USP34: variants seen among roughly 807,000 people sequenced by gnomAD.
USP34 encodes the protein ubiquitin specific peptidase 34, also known as ubiquitin carboxyl-terminal hydrolase 34.
A neutral mutation model predicts 460.3 loss-of-function variants in USP34; 70 were observed. The ratio of observed to expected loss-of-function variants is 0.15; its 90% CI spans 0.13 to 0.19. The LOEUF (loss-of-function observed/expected upper bound fraction) is 0.19. USP34 is among the 10% of genes least tolerant of loss of function. The probability of loss-of-function intolerance (pLI) is 1.00; values close to 1 mark genes in which losing one functional copy is unlikely to be tolerated. For missense variants in USP34, 3,985 were observed against 4,236.2 expected (o/e 0.94, Z 1.65); for synonymous variants, 1,647 against 1,405.3 (o/e 1.17, Z -3.85).
chr2:61,383,177 A>G (rs914737565), intron 6 of USP34, 92 bp downstream of exon 6: 9 of 865,000 alleles, frequency 1.0e-5, no homozygotes, highest in East Asian at 2.9e-5. Context: ...GGATATGACT[A>G]TAGGGGACTT....
intron 15 of USP34, among the ~76,000 whole-genome samples, chr2:61,345,523 C>T (rs538145205): frequency 3.3e-5 from 5 of 152,312 alleles, no homozygotes; most frequent in East Asian, 1.9e-4. Flanking sequence ...TAGTATCACT[C>T]GTAACGACAA....
At chr2:61,433,386 C>A (rs1203455600) in intron 1 of USP34, among the ~76,000 whole-genome samples, 3 of 152,202 alleles carry the variant, frequency 2.0e-5, no homozygotes, top group Non-Finnish European at 4.4e-5. Flanking sequence ...GTAATCCCAG[C>A]ACTTTGAGGA....
chr2:61,267,443 ATTT>A (rs1247110202), intron 41 of USP34, among the ~76,000 whole-genome samples: 2 of 142,738 alleles, frequency 1.4e-5, no homozygotes, highest in African/African-American at 5.1e-5. Context: ...TGGTTAGGAG[ATTT>A]TTTTTTTTTT....
At chr2:61,373,918 G>A (rs1330048176) in intron 8 of USP34, among the ~76,000 whole-genome samples, 1 of 152,158 alleles carries the variant, frequency 6.6e-6, no homozygotes, top group Non-Finnish European at 1.5e-5. Flanking sequence ...ACTTTGGGAG[G>A]CCAAGACGGG....
At chr2:61,242,853 T>C (rs1169027694) in intron 51 of USP34, among the ~76,000 whole-genome samples, 3 of 151,566 alleles carry the variant, frequency 2.0e-5, no homozygotes, top group Middle Eastern at 3.2e-3. Flanking sequence ...ATTCAAAACA[T>C]TTTTTTTTCT....
At chr2:61,266,363 T>C (rs1689046110) in intron 41 of USP34, among the ~76,000 whole-genome samples, 196 bp from the exon 42 acceptor site, 1 of 152,174 alleles carries the variant, frequency 6.6e-6, no homozygotes, top group Non-Finnish European at 1.5e-5. Flanking sequence ...CTTTTACTCT[T>C]CTCTCCTTTT....
At chr2:61,307,497 G>A (rs1245321984) in intron 27 of USP34, among the ~76,000 whole-genome samples, 1 of 151,428 alleles carries the variant, frequency 6.6e-6, no homozygotes, top group Non-Finnish European at 1.5e-5. Context: ...ATGTTAATAA[G>A]GACTCAATCT....
intron 41 of USP34, among the ~76,000 whole-genome samples, chr2:61,269,633 GT>G (rs902582295): frequency 6.6e-6 from 1 of 151,940 alleles, no homozygotes; most frequent in African/African-American, 2.4e-5. Flanking sequence ...AGACACCTAG[GT>G]TTTTCAAGAT....
intron 16 of USP34, 152 bp from the exon 17 acceptor site, chr2:61,339,833 TG>T (rs1691534703): frequency 8.8e-6 from 4 of 453,372 alleles, no homozygotes; most frequent in South Asian, 7.8e-5. Context: ...TGTTTTGTTT[TG>T]TTTTTGTTTT....
chr2:61,421,233 T>TA (rs1694345681), intron 1 of USP34, among the ~76,000 whole-genome samples: 1 of 152,226 alleles, frequency 6.6e-6, no homozygotes, highest in African/African-American at 2.4e-5. Flanking sequence ...CAGCTTGCTA[T>TA]ATCTGAAAGC....
At chr2:61,305,458 G>C (rs1364734105) in intron 27 of USP34, among the ~76,000 whole-genome samples, 1 of 151,976 alleles carries the variant, frequency 6.6e-6, no homozygotes, top group African/African-American at 2.4e-5. Context: ...AAATGATTTA[G>C]CATAAGAGTA....
At chr2:61,220,256 C>A in intron 67 of USP34, 54 bp downstream of exon 67, 9 of 1,329,958 alleles carry the variant, frequency 6.8e-6, no homozygotes, top group South Asian at 3.3e-5. Context: ...CAAAATGAAA[C>A]ATAACTTTGA....
chr2:61,364,871 A>C (rs1371759856), intron 10 of USP34, among the ~76,000 whole-genome samples: 2 of 152,138 alleles, frequency 1.3e-5, no homozygotes, highest in Non-Finnish European at 2.9e-5. Flanking sequence ...CGGAGGTTAC[A>C]GTGAGCCAAG....
intron 3 of USP34, among the ~76,000 whole-genome samples, chr2:61,395,468 A>C (rs1693488167): frequency 6.6e-6 from 1 of 152,224 alleles, no homozygotes; most frequent in Non-Finnish European, 1.5e-5. Context: ...ATTTTGCCTT[A>C]TTAAACATTA....
intron 43 of USP34, among the ~76,000 whole-genome samples, chr2:61,262,574 T>C (rs1477984082): frequency 6.6e-6 from 1 of 152,206 alleles, no homozygotes; most frequent in African/African-American, 2.4e-5. Context: ...ATTTTCTTTA[T>C]CTAGTCCACT....
chr2:61,454,716 A>T (rs1169491157), intron 1 of USP34, among the ~76,000 whole-genome samples: 1 of 150,324 alleles, frequency 6.7e-6, no homozygotes, highest in Non-Finnish European at 1.5e-5. Context: ...CACCCAGCTT[A>T]TTTTTTTATT....
chr2:61,220,788 TTAC>T (rs1687538991), intron 66 of USP34, among the ~76,000 whole-genome samples: 1 of 152,220 alleles, frequency 6.6e-6, no homozygotes. Context: ...TTTCTCATCT[TTAC>T]TTTTCTGATT....
chr2:61,341,582 G>A lies in USP34; in HGVS notation c.2501-1901C>T, dbSNP rs531165256. Among the ~76,000 whole-genome samples, 4 of 151,554 alleles carry A rather than the reference G, an allele frequency of 2.6e-5. No individual in the cohort carries two copies. The South Asian group carries it at 6.3e-4, about 24-fold the overall frequency. ...GAGAGTGACACCCCTCCAACCCCCC[G>A]TTTCCACTTCTGCCATGAGACCCCT... On this transcript the variant is annotated intron_variant, in intron 16 of 79. Transcript: ENST00000398571.
intron 3 of USP34, among the ~76,000 whole-genome samples, chr2:61,399,890 A>AAAAAAAAAAAAAAC (rs1693659745): frequency 6.6e-6 from 1 of 150,514 alleles, no homozygotes; most frequent in Non-Finnish European, 1.5e-5. Flanking sequence ...AAAAAAAAAA[A>AAAAAAAAAAAAAAC]AGCTGTATTA....
Sources: gnomAD v4.1 joint callset for allele counts (sites outside exome capture counted in the v4.1 genomes callset) on GRCh38, gnomAD v4.1.1 for gene constraint, MANE v1.5 for transcripts, NCBI Gene and HGNC (gene_info 2026-07-23, HGNC 2026-07-21) for gene names.